CLVS1: variants seen among roughly 807,000 people sequenced by gnomAD.
CLVS1 encodes the protein clavesin 1, also known as clavesin-1.
Under a neutral mutation model 33.1 loss-of-function variants are expected in CLVS1, and 10 were observed. The ratio of observed to expected loss-of-function variants is 0.30; its 90% CI spans 0.19 to 0.51. The LOEUF is 0.51. Among genes scored for constraint, CLVS1 ranks in the 20% least tolerant of loss-of-function variants. The pLI, the probability that CLVS1 is intolerant of heterozygous loss-of-function variation, is 0.97. For synonymous variants in CLVS1, 163 were observed against 166.1 expected (o/e 0.98, Z 0.14); for missense variants, 343 against 433.4 (o/e 0.79, Z 1.85).
At chr8:61,192,771 GCTC>G (rs1342604761) in intron 2 of CLVS1, among the ~76,000 whole-genome samples, 1 of 152,168 alleles carries the variant, frequency 6.6e-6, no homozygotes, top group African/African-American at 2.4e-5. Context: ...ATGAAAAAAT[GCTC>G]ATCATCACTG....
chr8:61,073,215 A>G (rs1340623886), intron 1 of CLVS1, among the ~76,000 whole-genome samples: 1 of 152,218 alleles, frequency 6.6e-6, no homozygotes, highest in Non-Finnish European at 1.5e-5. Context: ...AAAAAAAATT[A>G]CAATCTACTT....
chr8:61,281,008 A>C (rs1434827430), intron 2 of CLVS1, among the ~76,000 whole-genome samples: 1 of 152,334 alleles, frequency 6.6e-6, no homozygotes, highest in African/African-American at 2.4e-5. Context: ...TGAGAAATGC[A>C]TGTACTTTTC....
the CLVS1 span, among the ~76,000 whole-genome samples, chr8:61,034,053 A>G: frequency 4.6e-5 from 7 of 152,072 alleles, no homozygotes; most frequent in Admixed American, 1.3e-4. Flanking sequence ...TCCATCCACA[A>G]GTTCAAGGGG....
At chr8:61,267,922 C>G (rs1322046753) in intron 2 of CLVS1, among the ~76,000 whole-genome samples, 1 of 152,140 alleles carries the variant, frequency 6.6e-6, no homozygotes, top group Non-Finnish European at 1.5e-5. Flanking sequence ...ATGAAAAAGG[C>G]TATTAATTAA....
rs538667315 is a variant in CLVS1 at position 61,305,627 on chromosome 8, G to T, written c.455+5345G>T. On this transcript the variant is annotated intron_variant, in intron 2 of 5. Transcript: ENST00000325897. ...TACGTAGGTAAACTTGTGTCATGGG[G>T]TTTTTTTTGTACAGATTATTTCATC... Among the ~76,000 whole-genome samples, 36 of 151,910 alleles carry T rather than the reference G, an allele frequency of 2.4e-4. No individual in the cohort carries two copies. In the South Asian group the frequency reaches 3.7e-3, roughly 16 times the overall value.
intron 1 of CLVS1, among the ~76,000 whole-genome samples, chr8:61,298,957 G>A (rs1354868163): frequency 6.6e-6 from 1 of 152,162 alleles, no homozygotes; most frequent in Non-Finnish European, 1.5e-5. Flanking sequence ...AGAGTCTCAA[G>A]TCCCTCTGCT....
intron 2 of CLVS1, among the ~76,000 whole-genome samples, chr8:61,147,830 A>G (rs1271102883): frequency 6.6e-6 from 1 of 152,228 alleles, no homozygotes; most frequent in Non-Finnish European, 1.5e-5. Flanking sequence ...ACTGGGTTGT[A>G]TCATAGGAAA....
At chr8:61,472,382 A>G (rs1817763948) in intron 5 of CLVS1, among the ~76,000 whole-genome samples, 1 of 152,076 alleles carries the variant, frequency 6.6e-6, no homozygotes, top group African/African-American at 2.4e-5. Context: ...GGGGAGGAGA[A>G]GGAGGGAAAC....
chr8:61,195,532 G>A (rs1329157057), intron 2 of CLVS1, among the ~76,000 whole-genome samples: 2 of 151,802 alleles, frequency 1.3e-5, no homozygotes, highest in Non-Finnish European at 2.9e-5. Context: ...TATTCAAAAG[G>A]AAAGTGTATT....
At chr8:60,986,473 C>A in the CLVS1 span, among the ~76,000 whole-genome samples, 1 of 152,208 alleles carries the variant, frequency 6.6e-6, no homozygotes, top group African/African-American at 2.4e-5. Context: ...ATTCCATACT[C>A]TTTGACTTTT....
intron 2 of CLVS1, among the ~76,000 whole-genome samples, chr8:61,172,746 T>C (rs1254415467): frequency 6.6e-6 from 1 of 151,634 alleles, no homozygotes; most frequent in Non-Finnish European, 1.5e-5. Flanking sequence ...TGTTCCTAAC[T>C]AGTGAGCAGT....
intron 2 of CLVS1, among the ~76,000 whole-genome samples, chr8:61,224,630 T>TG (rs896367967): frequency 1.3e-5 from 2 of 152,194 alleles, no homozygotes; most frequent in Non-Finnish European, 1.5e-5. Flanking sequence ...CAACCCCTGT[T>TG]GGGGGGTCTC....
At chr8:61,258,708 C>A (rs770710778) in intron 2 of CLVS1, among the ~76,000 whole-genome samples, 2 of 152,130 alleles carry the variant, frequency 1.3e-5, no homozygotes. Context: ...AATTCAAAAT[C>A]GCCACTAAGT....
chr8:60,976,216 AG>A, the CLVS1 span, among the ~76,000 whole-genome samples: 1 of 152,208 alleles, frequency 6.6e-6, no homozygotes, highest in Admixed American at 6.5e-5. Context: ...GGCAGACAAA[AG>A]TCACTGGGTT....
chr8:61,382,613 G>C (rs1311968731), intron 3 of CLVS1, among the ~76,000 whole-genome samples: 1 of 152,214 alleles, frequency 6.6e-6, no homozygotes, highest in East Asian at 1.9e-4. Context: ...TATTATAGTA[G>C]AACGTGATGG....
At chr8:61,122,465 C>CTGGCAAGTCTT in intron 1 of CLVS1, among the ~76,000 whole-genome samples, 1 of 152,182 alleles carries the variant, frequency 6.6e-6, no homozygotes, top group Middle Eastern at 3.4e-3. Context: ...TGGTGACCTA[C>CTGGCAAGTCTT]TGGCAAGTCT....
At chr8:61,154,839 T>C (rs996291644) in intron 2 of CLVS1, among the ~76,000 whole-genome samples, 2 of 152,220 alleles carry the variant, frequency 1.3e-5, no homozygotes, top group Non-Finnish European at 2.9e-5. Context: ...TTAGCTATTG[T>C]TATTGATCAT....
intron 2 of CLVS1, among the ~76,000 whole-genome samples, chr8:61,342,178 C>T (rs547173657): frequency 6.6e-5 from 10 of 152,270 alleles, no homozygotes; most frequent in African/African-American, 2.2e-4. Context: ...CAAGACCCTC[C>T]TCCTGCTCAG....
At chr8:61,350,648 T>TA (rs1305216183) in intron 2 of CLVS1, among the ~76,000 whole-genome samples, 7 of 152,186 alleles carry the variant, frequency 4.6e-5, no homozygotes, top group African/African-American at 1.7e-4. Flanking sequence ...TTTCCACTCT[T>TA]ACACCATTAT....
Sources: allele counts gnomAD v4.1 joint callset (sites outside exome capture counted in the v4.1 genomes callset), GRCh38; gene constraint gnomAD v4.1.1; transcripts MANE v1.5; gene names NCBI Gene and HGNC (gene_info 2026-07-23, HGNC 2026-07-21).